METTL8: variants seen among roughly 807,000 people sequenced by gnomAD.
METTL8 encodes methyltransferase 8, tRNA N3-cytidine.
METTL8 carries 32 observed loss-of-function variants against 48.7 expected under a neutral mutation model. The ratio of observed to expected loss-of-function variants is 0.66; its 90% CI spans 0.50 to 0.88. The LOEUF is 0.88. Among genes scored for constraint, METTL8 ranks in the 40% least tolerant of loss-of-function variants. METTL8 has a pLI of 0.00. For synonymous variants in METTL8, 136 were observed against 157.1 expected, an observed-to-expected ratio of 0.87 and a Z score of 1.01; for missense variants, 464 against 474.4, an observed-to-expected ratio of 0.98 and a Z score of 0.20.
At chr2:171,394,807 C>CA (rs1688906373) in intron 1 of METTL8, among the ~76,000 whole-genome samples, 1 of 152,184 alleles carries the variant, frequency 6.6e-6, no homozygotes, top group Admixed American at 6.5e-5. Context: ...AATTGTTTGA[C>CA]TGATTACATA....
chr2:171,374,025 T>G (rs1303533430), intron 2 of METTL8, among the ~76,000 whole-genome samples: 1 of 152,186 alleles, frequency 6.6e-6, no homozygotes, highest in African/African-American at 2.4e-5. Context: ...AGAAAGTCAT[T>G]GGCAGCTTGA....
At chr2:171,387,193 A>G (rs1408756900) in intron 2 of METTL8, among the ~76,000 whole-genome samples, 1 of 152,150 alleles carries the variant, frequency 6.6e-6, no homozygotes, top group Non-Finnish European at 1.5e-5. Context: ...TGGCTAAACT[A>G]AAAGAGCACC....
intron 4 of METTL8, among the ~76,000 whole-genome samples, chr2:171,338,929 C>T (rs1333159539): frequency 6.6e-6 from 1 of 151,776 alleles, no homozygotes; most frequent in Admixed American, 6.6e-5. Flanking sequence ...TAAAACTGCC[C>T]TCAGATTAAA....
At chr2:171,418,390 T>C (rs974629705) in intron 1 of METTL8, among the ~76,000 whole-genome samples, 1 of 152,150 alleles carries the variant, frequency 6.6e-6, no homozygotes, top group African/African-American at 2.4e-5. Context: ...TTTTACATAG[T>C]GTACTCTTTG....
intron 9 of METTL8, among the ~76,000 whole-genome samples, chr2:171,324,712 T>C (rs13000846): frequency 6.6e-6 from 1 of 151,996 alleles, no homozygotes; most frequent in East Asian, 1.9e-4. Flanking sequence ...TCACATAAAT[T>C]TGGGGAAATC....
At chr2:171,429,456 C>T (rs796976040) in intron 1 of METTL8, among the ~76,000 whole-genome samples, 1 of 152,144 alleles carries the variant, frequency 6.6e-6, no homozygotes, top group Admixed American at 6.5e-5. Context: ...AAGGAAGGTA[C>T]GCCACAGAGG....
At chr2:171,336,212 C>T (rs1459282008) in intron 5 of METTL8, among the ~76,000 whole-genome samples, 3 of 151,984 alleles carry the variant, frequency 2.0e-5, no homozygotes, top group South Asian at 2.1e-4. Flanking sequence ...TCTCCTGTCT[C>T]GGCCTCCCGA....
At chr2:171,344,617 C>T (rs917615574) in intron 3 of METTL8, among the ~76,000 whole-genome samples, 4 of 152,004 alleles carry the variant, frequency 2.6e-5, no homozygotes, top group African/African-American at 9.7e-5. Context: ...ATAAACCATG[C>T]AGTTATATGA....
At chr2:171,429,638 G>A (rs543347676) in intron 1 of METTL8, among the ~76,000 whole-genome samples, 1 of 152,290 alleles carries the variant, frequency 6.6e-6, no homozygotes, top group African/African-American at 2.4e-5. Context: ...AAACAAGAAA[G>A]AGACAAGATG....
intron 1 of METTL8, among the ~76,000 whole-genome samples, chr2:171,419,365 GT>G (rs1235683731): frequency 6.6e-6 from 1 of 152,144 alleles, no homozygotes; most frequent in Non-Finnish European, 1.5e-5. Context: ...TTAAACTAGA[GT>G]TCATACTACT....
chr2:171,385,263 T>G (rs1687934256), intron 2 of METTL8, among the ~76,000 whole-genome samples: 1 of 144,714 alleles, frequency 6.9e-6, no homozygotes, highest in African/African-American at 2.6e-5. Context: ...AAAAATAAAA[T>G]AAAACAAAAT....
At chr2:171,371,515 C>T (rs1191771203) in intron 2 of METTL8, among the ~76,000 whole-genome samples, 2 of 152,014 alleles carry the variant, frequency 1.3e-5, no homozygotes, top group Non-Finnish European at 2.9e-5. Flanking sequence ...TGCCAACACA[C>T]CCAGCCAATT....
At chr2:171,434,010 G>T (rs931339258), upstream of METTL8, 3 of 247,300 alleles carry the variant, frequency 1.2e-5, no homozygotes, top group Non-Finnish European at 1.6e-5. Context: ...GTGAGGGAGG[G>T]ATCCCTAAGT....
chr2:171,434,340 G>A, upstream of METTL8: 1 of 716,438 alleles, frequency 1.4e-6, no homozygotes, highest in Non-Finnish European at 2.4e-6. Flanking sequence ...AGAGCCTGGG[G>A]CAGATCGAAA....
intron 7 of METTL8, among the ~76,000 whole-genome samples, chr2:171,329,408 A>G (rs935092485): frequency 4.6e-5 from 7 of 152,202 alleles, no homozygotes; most frequent in African/African-American, 1.7e-4. Context: ...ATGGGTGTCA[A>G]TGGGGAATCT....
At chr2:171,373,039 G>C (rs1686537735) in intron 2 of METTL8, among the ~76,000 whole-genome samples, 1 of 152,190 alleles carries the variant, frequency 6.6e-6, no homozygotes, top group Non-Finnish European at 1.5e-5. Flanking sequence ...TCTAGTTCTA[G>C]ATCCTTGAGG....
intron 1 of METTL8, among the ~76,000 whole-genome samples, chr2:171,422,096 A>C (rs1287918479): frequency 6.6e-6 from 1 of 152,188 alleles, no homozygotes; most frequent in Non-Finnish European, 1.5e-5. Context: ...TTATGATAAA[A>C]CTGCAGTGAA....
chr2:171,346,284 C>T (rs768844212), intron 3 of METTL8, among the ~76,000 whole-genome samples: 4 of 152,202 alleles, frequency 2.6e-5, no homozygotes, highest in Non-Finnish European at 5.9e-5. Flanking sequence ...ACCTTGGCCT[C>T]CCAAAGTGTT....
intron 1 of METTL8, among the ~76,000 whole-genome samples, chr2:171,418,927 C>G (rs1691600134): frequency 6.6e-6 from 1 of 152,002 alleles, no homozygotes; most frequent in African/African-American, 2.4e-5. Context: ...TGTACTCCAG[C>G]CTGGGTGACT....
Sources: allele counts gnomAD v4.1 joint callset (sites outside exome capture counted in the v4.1 genomes callset), GRCh38; gene constraint gnomAD v4.1.1; transcripts MANE v1.5; gene names NCBI Gene and HGNC (gene_info 2026-07-23, HGNC 2026-07-21).